Variants in SRGAP3 observed in about 807,000 individuals in gnomAD.
SRGAP3 encodes SLIT-ROBO Rho GTPase activating protein 3.
A neutral mutation model predicts 121.1 loss-of-function variants in SRGAP3; 39 were observed. The ratio of observed to expected loss-of-function variants is 0.32; its 90% CI spans 0.25 to 0.42. The LOEUF (loss-of-function observed/expected upper bound fraction) is 0.42, where lower values mean the gene tolerates loss of function less well. SRGAP3 is among the 10% of genes least tolerant of loss of function. SRGAP3 has a pLI of 1.00. For missense variants in SRGAP3, 1,213 were observed against 1,470.6 expected, an observed-to-expected ratio of 0.82 and a Z score of 2.86; for synonymous variants, 601 against 570.0, an observed-to-expected ratio of 1.05 and a Z score of -0.77.
At chr3:9,052,154 A>G (rs558027154) in intron 9 of SRGAP3, among the ~76,000 whole-genome samples, 1 of 152,372 alleles carries the variant, frequency 6.6e-6, no homozygotes, top group South Asian at 2.1e-4. Context: ...CAAGACTGAA[A>G]GAATCAAATA....
At chr3:9,332,182 G>A (rs1398551700) in intron 1 of SRGAP3, among the ~76,000 whole-genome samples, 1 of 152,152 alleles carries the variant, frequency 6.6e-6, no homozygotes, top group Non-Finnish European at 1.5e-5. Context: ...GTGCAGTGGT[G>A]CCATCTTGGC....
intron 21 of SRGAP3, 77 bp downstream of exon 21, chr3:8,990,435 C>T (rs745938164): frequency 3.3e-6 from 5 of 1,525,164 alleles, no homozygotes; most frequent in Non-Finnish European, 3.5e-6. Context: ...GCCAAGGTGG[C>T]TCCCCGCTCC....
intron 1 of SRGAP3, among the ~76,000 whole-genome samples, chr3:9,127,938 G>T (rs1421573898): frequency 1.3e-5 from 2 of 150,876 alleles, no homozygotes; most frequent in African/African-American, 4.9e-5. Context: ...CAGGTGAGGA[G>T]AGAGGAGGGG....
intron 2 of SRGAP3, among the ~76,000 whole-genome samples, chr3:9,122,309 C>T (rs1949036685): frequency 6.6e-6 from 1 of 152,092 alleles, no homozygotes; most frequent in South Asian, 2.1e-4. Flanking sequence ...TGAAAAAACA[C>T]AATTTTTCTC....
intron 1 of SRGAP3, among the ~76,000 whole-genome samples, chr3:9,167,292 C>T (rs1203190267): frequency 6.6e-6 from 1 of 152,172 alleles, no homozygotes; most frequent in African/African-American, 2.4e-5. Flanking sequence ...GATCAAGACA[C>T]AGAGGCCCTG....
At chr3:9,045,191 T>A (rs694750) in intron 10 of SRGAP3, among the ~76,000 whole-genome samples, 48,080 of 138,762 alleles carry the variant, frequency 0.35, 7,885 homozygotes, top group South Asian at 0.44. Flanking sequence ...AAGTTTACTT[T>A]AAAAAAAAAA....
At chr3:9,298,483 T>C (rs1360061301) in intron 3 of SRGAP3, among the ~76,000 whole-genome samples, 1 of 152,200 alleles carries the variant, frequency 6.6e-6, no homozygotes, top group Admixed American at 6.5e-5. Flanking sequence ...CTGGCTGTGA[T>C]AGCTAGTATC....
At chr3:9,169,683 A>G (rs986120) in intron 1 of SRGAP3, among the ~76,000 whole-genome samples, 51,378 of 152,178 alleles carry the variant, frequency 0.34, 9,522 homozygotes, top group Non-Finnish European at 0.43. Context: ...TTAGGCCAAC[A>G]CCTTGTGAAG....
At chr3:9,111,549 TCA>T (rs1948623809) in intron 2 of SRGAP3, among the ~76,000 whole-genome samples, 1 of 152,140 alleles carries the variant, frequency 6.6e-6, no homozygotes, top group African/African-American at 2.4e-5. Flanking sequence ...CTGCAGGGTC[TCA>T]CACACTCCAT....
chr3:9,032,368 A>C (rs1403363365), intron 12 of SRGAP3, among the ~76,000 whole-genome samples: 1 of 152,228 alleles, frequency 6.6e-6, no homozygotes, highest in Non-Finnish European at 1.5e-5. Flanking sequence ...GCGTGAATGA[A>C]GTGTGGCATT....
At chr3:9,318,726 T>A (rs1955391376) in intron 3 of SRGAP3, among the ~76,000 whole-genome samples, 1 of 150,482 alleles carries the variant, frequency 6.6e-6, no homozygotes, top group African/African-American at 2.4e-5. Flanking sequence ...AAAAAAAAAT[T>A]TAAATAGCCA....
chr3:9,058,497 G>T, intron 6 of SRGAP3, 25 bp from the exon 7 acceptor site: 1 of 1,610,754 alleles, frequency 6.2e-7, no homozygotes, highest in East Asian at 2.2e-5. Context: ...ACAACGGAAG[G>T]TTATGGGTGA....
At chr3:9,154,667 C>A (rs1482498486) in intron 1 of SRGAP3, among the ~76,000 whole-genome samples, 1 of 152,200 alleles carries the variant, frequency 6.6e-6, no homozygotes, top group African/African-American at 2.4e-5. Flanking sequence ...GAGCGGCCAA[C>A]TGAAGTTTTA....
intron 4 of SRGAP3, among the ~76,000 whole-genome samples, chr3:9,077,432 C>G (rs909504512): frequency 6.6e-6 from 1 of 152,052 alleles, no homozygotes; most frequent in South Asian, 2.1e-4. Flanking sequence ...AACAAATGAT[C>G]GAATTTAACT....
At chr3:9,134,814 G>A (rs1242047427) in intron 1 of SRGAP3, among the ~76,000 whole-genome samples, 2 of 152,126 alleles carry the variant, frequency 1.3e-5, no homozygotes, top group South Asian at 2.1e-4. Flanking sequence ...CTGACCTCAG[G>A]CCCTCCTCTG....
At chr3:9,285,968 C>T (rs1161942255) in intron 3 of SRGAP3, among the ~76,000 whole-genome samples, 1 of 151,894 alleles carries the variant, frequency 6.6e-6, no homozygotes, top group Non-Finnish European at 1.5e-5. Context: ...TAAAAATTAG[C>T]TCAGCTTAGT....
rs527276283 is a variant in SRGAP3, at chr3:9,062,543, T to C, written c.672+1853A>G. 2.0e-5 allele frequency among the ~76,000 whole-genome samples: 3 copies of C among 152,352 alleles called. No homozygotes were observed. In the East Asian group the frequency reaches 5.8e-4, roughly 29 times the overall value. On this transcript the variant is annotated intron_variant, in intron 5 of 21. Coordinates refer to ENST00000383836, the MANE Select transcript of SRGAP3 (RefSeq NM_014850.4). Reference sequence around the variant, plus strand: ...CAGTCACTCCCCATTTTCCTCTTCTTTAGCCCCTGGAAACCAATCATCTAT... The same window carrying C: ...CAGTCACTCCCCATTTTCCTCTTCTCTAGCCCCTGGAAACCAATCATCTAT...
rs1273005643 is a variant in SRGAP3, at chr3:9,025,334, G to A, written c.1605C>T (p.Leu535=). ...GCACTCTGAAGATCCCCTGCTGCTG[G>A]AGTCCTAAAAAAGAAACATACAGAA... ...SCIRYINLYG[L]QQQGIFRVPG... Residue 535 remains leucine, a synonymous_variant, in exon 14 of 22, where the codon CTC becomes CTT. Coordinates refer to ENST00000383836, the MANE Select transcript of SRGAP3 (RefSeq NM_014850.4). 2 of 1,614,154 alleles carry A rather than the reference G, an allele frequency of 1.2e-6. No homozygotes were observed. Among genetic ancestry groups the A allele is most frequent in the South Asian group, 1.1e-5 (1 of 91,082 alleles).
intron 1 of SRGAP3, among the ~76,000 whole-genome samples, chr3:9,352,350 T>C (rs921812577): frequency 6.7e-6 from 1 of 149,798 alleles, no homozygotes; most frequent in Non-Finnish European, 1.5e-5. Context: ...CTCAGCTCAC[T>C]GCTGCCTCCA....
Sources: allele counts gnomAD v4.1 joint callset (sites outside exome capture counted in the v4.1 genomes callset), GRCh38; gene constraint gnomAD v4.1.1; transcripts MANE v1.5; gene names NCBI Gene and HGNC (gene_info 2026-07-23, HGNC 2026-07-21).